Variants in TICRR observed in about 807,000 individuals in gnomAD.
TICRR encodes treslin.
A neutral mutation model predicts 178.1 loss-of-function variants in TICRR; 132 were observed. The ratio of observed to expected loss-of-function variants is 0.74; its 90% CI spans 0.64 to 0.86. The LOEUF (loss-of-function observed/expected upper bound fraction) is 0.86, where lower values mean the gene tolerates loss of function less well. Among genes scored for constraint, TICRR ranks in the 40% least tolerant of loss-of-function variants. TICRR has a pLI of 0.00. For synonymous variants in TICRR, 991 were observed against 900.7 expected, an observed-to-expected ratio of 1.10 and a Z score of -1.79; for missense variants, 2,587 against 2,334.3, an observed-to-expected ratio of 1.11 and a Z score of -2.23.
At position 89,621,430 on chromosome 15, in the gene TICRR, T is replaced by TC. The variant is rs1305088045; in HGVS notation, c.3195dup (p.Lys1066GlnfsTer10). The TC allele has an allele frequency of 6.2e-7, 1 of 1,611,092 alleles. No homozygotes were observed. The highest frequency in any genetic ancestry group is 8.5e-7 in the Non-Finnish European group (1 of 1,179,286). Reference sequence around the variant, plus strand: ...ATTCTCCAGTCCAAAGTATTCGGTCTCCCAAGAGTCTTCTTTTTGGGGCAA... The same window carrying TC: ...ATTCTCCAGTCCAAAGTATTCGGTCTCCCCAAGAGTCTTCTTTTTGGGGCAA... On this transcript the variant is annotated frameshift_variant, in exon 19 of 22. Coordinates refer to ENST00000268138, the MANE Select transcript of TICRR (RefSeq NM_152259.4). LOFTEE classifies it high-confidence loss of function.
intron 13 of TICRR, among the ~76,000 whole-genome samples, chr15:89,603,404 C>T (rs556994774): frequency 6.6e-6 from 1 of 152,256 alleles, no homozygotes; most frequent in African/African-American, 2.4e-5. Context: ...TAGCGAGACC[C>T]TGTCTCTACA....
At position 89,625,917 on chromosome 15, in the gene TICRR, C is replaced by T. The variant is rs1963514803; in HGVS notation, c.5477-19C>T. On this transcript the variant is annotated intron_variant, in intron 20 of 21. Transcript: ENST00000268138. Reference sequence around the variant, plus strand: ...TGGGGGTCTGGGGACGCTGCTCTTACTATGTGGGATCTCTTTAGGCTCCAC... The same window carrying T: ...TGGGGGTCTGGGGACGCTGCTCTTATTATGTGGGATCTCTTTAGGCTCCAC... 2 of 1,553,236 alleles carry T rather than the reference C, an allele frequency of 1.3e-6. No individual in the cohort carries two copies. The highest frequency in any genetic ancestry group is 1.4e-5 in the African/African-American group (1 of 72,686).
chr15:89,596,978 A>G (rs753723707), intron 7 of TICRR, among the ~76,000 whole-genome samples: 2 of 152,108 alleles, frequency 1.3e-5, no homozygotes, highest in African/African-American at 2.4e-5. Context: ...TTAGCTTTTA[A>G]TATTTTTGAA....
At chr15:89,579,745 T>C (rs534465116) in intron 1 of TICRR, 2 of 152,318 alleles carry the variant, frequency 1.3e-5, no homozygotes, top group African/African-American at 4.8e-5. Flanking sequence ...AGGAAGAAAG[T>C]GTTGAGCTCA....
chr15:89,625,900 T>TG, intron 20 of TICRR, 36 bp from the exon 21 acceptor site: 1 of 1,545,056 alleles, frequency 6.5e-7, no homozygotes. Flanking sequence ...GTTGGGGGTC[T>TG]GGGGACGCTG....
intron 15 of TICRR, among the ~76,000 whole-genome samples, chr15:89,613,680 CT>C (rs1368645730): frequency 6.7e-6 from 1 of 149,220 alleles, no homozygotes; most frequent in Admixed American, 6.7e-5. Flanking sequence ...TCTTTGCCAC[CT>C]CAAATTTACT....
rs772879185 is a variant in TICRR, at chr15:89,625,195, C to G, written c.4885C>G (p.Leu1629Val). The G allele has an allele frequency of 6.2e-7, 1 of 1,613,872 alleles. No homozygotes were observed. The highest frequency in any genetic ancestry group is 1.1e-5 in the South Asian group (1 of 91,074). ...CTATGTGTCACCCCCCTGCCCCCGC[C>G]TCTCCCACAGCACACCTGGCAAGAG... The part of the protein sequence containing the change: ...PTYVSPPCPR[L>V]SHSTPGKSRG... Residue 1629 changes from leucine to valine, a missense_variant, in exon 20 of 22, where the codon CTC becomes GTC. Coordinates refer to ENST00000268138, the MANE Select transcript of TICRR (RefSeq NM_152259.4).
intron 17 of TICRR, 101 bp from the exon 18 acceptor site, chr15:89,619,607 T>A: frequency 7.9e-7 from 1 of 1,259,388 alleles, no homozygotes. Context: ...ATTTCCATCT[T>A]ATATGTGGTA....
intron 21 of TICRR, among the ~76,000 whole-genome samples, chr15:89,626,362 C>T (rs903381285): frequency 2.6e-5 from 4 of 152,214 alleles, no homozygotes; most frequent in African/African-American, 9.7e-5. Context: ...AACAGGAAGG[C>T]GTTCTGAGCA....
intron 15 of TICRR, among the ~76,000 whole-genome samples, chr15:89,614,017 G>A (rs1963295880): frequency 2.0e-5 from 3 of 151,976 alleles, no homozygotes; most frequent in Admixed American, 2.0e-4. Context: ...AGCCGGGCGT[G>A]GTGGCGGGCG....
At chr15:89,626,318 G>A (rs537948003) in intron 21 of TICRR, among the ~76,000 whole-genome samples, 163 of 152,296 alleles carry the variant, frequency 1.1e-3, no homozygotes, top group African/African-American at 3.8e-3. Context: ...TGGGCTTGCC[G>A]CAACATGCTG....
intron 7 of TICRR, among the ~76,000 whole-genome samples, chr15:89,598,126 T>TTTTG (rs143498740): frequency 0.34 from 38,153 of 112,278 alleles, 5,705 homozygotes; most frequent in South Asian, 0.49. Context: ...TCCAGGAGTT[T>TTTTG]TTTGTTTGTT....
Position 89,582,790 on chromosome 15 carries a change from T to C in TICRR, c.759T>C (p.Ala253=). Residue 253 remains alanine, a synonymous_variant, in exon 2 of 22, where the codon GCT becomes GCC. Transcript: ENST00000268138. ...LPSESFSWDF[A]QAGEMLLRSG... ...CTGAATCTTTCAGCTGGGATTTTGC[T>C]CAAGCTGGGGAAATGCTGCTCAGGA... 1 of 1,614,206 alleles carries C rather than the reference T, an allele frequency of 6.2e-7. No individual in the cohort carries two copies. Among genetic ancestry groups the C allele is most frequent in the Non-Finnish European group, 8.5e-7 (1 of 1,180,044 alleles).
rs1294210688 is a variant in TICRR, at chr15:89,621,559, T to G, written c.3312+9T>G. Reference sequence around the variant, plus strand: ...TACCTGCAGCTTACCAGGTATAATGTTTCTGTAATGTTTGAAATAATATAA... The same window carrying G: ...TACCTGCAGCTTACCAGGTATAATGGTTCTGTAATGTTTGAAATAATATAA... On this transcript the variant is annotated intron_variant, in intron 19 of 21. Coordinates refer to ENST00000268138, the MANE Select transcript of TICRR (RefSeq NM_152259.4). 2 of 1,602,780 alleles carry G rather than the reference T, an allele frequency of 1.2e-6. No individual in the cohort carries two copies. The highest frequency in any genetic ancestry group is 3.5e-5 in the Admixed American group (2 of 56,980).
intron 9 of TICRR, 89 bp from the exon 10 acceptor site, chr15:89,601,209 T>C (rs755668195): frequency 1.8e-5 from 20 of 1,142,276 alleles, no homozygotes; most frequent in Non-Finnish European, 2.4e-5. Flanking sequence ...GGTTGTTGTG[T>C]CTTATATAAA....
rs188676139 is a variant in TICRR at position 89,584,466 on chromosome 15, C to T, written c.1115C>T (p.Ala372Val). Reference sequence around the variant, plus strand: ...CTAGGAAGTCCAGAGGAGAGCACAGCAACTCAAAGGCTGTTATTTCAGCAG... The same window carrying T: ...CTAGGAAGTCCAGAGGAGAGCACAGTAACTCAAAGGCTGTTATTTCAGCAG... Reference protein sequence around the residue: ...WMLGSPEESTATQRLLFQQLV... With the variant: ...WMLGSPEESTVTQRLLFQQLV... The change falls in exon 3 of 22, where the codon GCA becomes GTA. Residue 372 changes from alanine (A) to valine (V), a missense_variant. By Grantham distance (64) the Ala-to-Val change is moderately conservative. Coordinates refer to ENST00000268138, the MANE Select transcript of TICRR (RefSeq NM_152259.4). The T allele has an allele frequency of 4.8e-5, 78 of 1,610,540 alleles. No homozygotes were observed. The African/African-American group carries it at 7.9e-4, about 16-fold the overall frequency.
Position 89,599,445 on chromosome 15 carries a change from C to T in TICRR, c.2022C>T (p.Phe674=). ...ACATGATCTCAACCGTTAAAATGTT[C>T]CTAAAATCAAAAGGCACCAAGGAAT... ...ARNMISTVKM[F]LKSKGTKELE... Residue 674 remains phenylalanine (F), a synonymous_variant, in exon 8 of 22, where the codon TTC becomes TTT. Coordinates refer to ENST00000268138, the MANE Select transcript of TICRR (RefSeq NM_152259.4). The T allele has an allele frequency of 6.2e-7, 1 of 1,612,660 alleles. No individual in the cohort carries two copies. Among genetic ancestry groups the T allele is most frequent in the Non-Finnish European group, 8.5e-7 (1 of 1,179,394 alleles).
intron 8 of TICRR, 142 bp downstream of exon 8, chr15:89,599,617 C>G (rs941290328): frequency 1.3e-6 from 1 of 783,062 alleles, no homozygotes; most frequent in Admixed American, 2.9e-5. Flanking sequence ...GGAGTAAGTA[C>G]AGTTCCAGAT....
intron 16 of TICRR, 143 bp downstream of exon 16, chr15:89,616,638 T>C: frequency 1.6e-6 from 1 of 632,084 alleles, no homozygotes; most frequent in Non-Finnish European, 2.8e-6. Flanking sequence ...CTATAAGCTC[T>C]CCATGGGAGC....
Sources: allele counts gnomAD v4.1 joint callset (sites outside exome capture counted in the v4.1 genomes callset), GRCh38; gene constraint gnomAD v4.1.1; transcripts MANE v1.5; gene names NCBI Gene and HGNC (gene_info 2026-07-23, HGNC 2026-07-21).